The following GLI3 variants were observed in gnomAD, a reference collection of about 807,000 sequenced individuals.
GLI3 encodes transcription activator GLI3.
Under a neutral mutation model 100.8 loss-of-function variants are expected in GLI3, and 20 were observed. That is an observed-to-expected ratio of 0.20 (90% CI 0.14 to 0.29). The LOEUF (loss-of-function observed/expected upper bound fraction) is 0.29, where lower values mean the gene tolerates loss of function less well. Ranked by LOEUF, GLI3 falls within the 10% of genes least tolerant of loss-of-function variation. The pLI, the probability that GLI3 is intolerant of heterozygous loss-of-function variation, is 1.00. For synonymous variants in GLI3, 938 were observed against 860.5 expected (o/e 1.09, Z -1.58); for missense variants, 2,040 against 2,128.5 (o/e 0.96, Z 0.82).
rs76152864 is a variant in GLI3, at chr7:42,217,997, C to T, written c.124+5133G>A. Among the ~76,000 whole-genome samples the T allele has an allele frequency of 4.1e-4, 62 of 152,308 alleles. No homozygotes were observed. In the East Asian group the frequency reaches 4.4e-3, roughly 11 times the overall value. ...TCCGAAACTGATGAGGAAACTAGAA[C>T]GCTGAAAAGTTAATCTGCTCACACT... On this transcript the variant is annotated intron_variant, in intron 2 of 14. Transcript: ENST00000395925.
At chr7:42,240,192 T>C (rs947758407), upstream of GLI3, among the ~76,000 whole-genome samples, 17 of 152,364 alleles carry the variant, frequency 1.1e-4, 1 homozygote, top group South Asian at 3.5e-3. Flanking sequence ...AATTCTATCA[T>C]AGATTGACTT....
chr7:42,192,809 C>A (rs1336819268), intron 2 of GLI3, among the ~76,000 whole-genome samples: 1 of 152,200 alleles, frequency 6.6e-6, no homozygotes, highest in African/African-American at 2.4e-5. Flanking sequence ...CCTTAGAGCA[C>A]CACCTTGAAT....
intron 2 of GLI3, among the ~76,000 whole-genome samples, chr7:42,168,157 G>A (rs1386180126): frequency 6.6e-6 from 1 of 152,184 alleles, no homozygotes; most frequent in Non-Finnish European, 1.5e-5. Context: ...CTGGTCTTAA[G>A]CCAACAGTCA....
chr7:42,048,272 A>G (rs1014714090), intron 5 of GLI3, among the ~76,000 whole-genome samples: 1 of 152,258 alleles, frequency 6.6e-6, no homozygotes. Context: ...AGTAAACCCC[A>G]CTGCACGCTG....
At chr7:42,241,861 C>T (rs1015728587), upstream of GLI3, among the ~76,000 whole-genome samples, 3 of 152,194 alleles carry the variant, frequency 2.0e-5, no homozygotes, top group African/African-American at 7.2e-5. Flanking sequence ...CTTGCCTGCT[C>T]TTCTGGAAAC....
chr7:42,055,519 AG>A (rs1784442402), intron 4 of GLI3, among the ~76,000 whole-genome samples: 1 of 152,010 alleles, frequency 6.6e-6, no homozygotes, highest in African/African-American at 2.4e-5. Context: ...TGCTCCCCCA[AG>A]GCCACTGTTC....
At chr7:42,088,804 G>T (rs539642564) in intron 3 of GLI3, among the ~76,000 whole-genome samples, 1 of 152,348 alleles carries the variant, frequency 6.6e-6, no homozygotes, top group South Asian at 2.1e-4. Context: ...GGGAGGCAGT[G>T]GTCCTGAGGC....
chr7:42,119,126 G>A (rs906423976), intron 3 of GLI3, among the ~76,000 whole-genome samples: 2 of 152,140 alleles, frequency 1.3e-5, no homozygotes, highest in Non-Finnish European at 2.9e-5. Context: ...CACCAACAAG[G>A]GAAGCCGAGG....
chr7:42,257,355 T>A (rs1222408949), intron 1 of GLI3, among the ~76,000 whole-genome samples: 1 of 109,654 alleles, frequency 9.1e-6, no homozygotes, highest in Non-Finnish European at 1.7e-5. Context: ...TCATTCAGTC[T>A]TTTTTTTTTT....
intron 2 of GLI3, chr7:42,151,599 T>G (rs934632834): frequency 1.4e-4 from 22 of 152,224 alleles, no homozygotes; most frequent in African/African-American, 5.3e-4. Context: ...CAATGGACTT[T>G]AACAGCCAAA....
At chr7:42,045,280 G>T (rs1784222987) in intron 6 of GLI3, 104 bp downstream of exon 6, 1 of 1,133,118 alleles carries the variant, frequency 8.8e-7, no homozygotes, top group Admixed American at 1.7e-5. Context: ...TTCTCCTCCA[G>T]ATCAAAAAGT....
chr7:42,194,958 G>C (rs185904223), intron 2 of GLI3, among the ~76,000 whole-genome samples: 20 of 151,878 alleles, frequency 1.3e-4, no homozygotes, highest in Admixed American at 1.2e-3. Context: ...GTAGAGACAG[G>C]GTTTCACCAT....
At chr7:42,035,526 T>C (rs1456671568) in intron 7 of GLI3, among the ~76,000 whole-genome samples, 1 of 152,234 alleles carries the variant, frequency 6.6e-6, no homozygotes, top group Non-Finnish European at 1.5e-5. Flanking sequence ...TCATTTTCAC[T>C]GAGATCTCTT....
At chr7:41,978,101 T>C (rs1787558133) in intron 11 of GLI3, among the ~76,000 whole-genome samples, 1 of 152,218 alleles carries the variant, frequency 6.6e-6, no homozygotes, top group South Asian at 2.1e-4. Flanking sequence ...GTAAAGGGCC[T>C]TTAAGATGTA....
chr7:41,965,016 GT>G lies in GLI3; in HGVS notation c.4056del (p.His1353ThrfsTer66). The G allele has an allele frequency of 6.2e-7, 1 of 1,613,846 alleles. No homozygotes were observed. The highest frequency in any genetic ancestry group is 8.5e-7 in the Non-Finnish European group (1 of 1,179,964). ...TCTGGCCCTTGGTAGATGTTGATGT[GT>G]GAGGTAGCACTAATCTGCCCAAGCA... ...QQMLGQISATSHINIYQGPES... is the reference protein window; with the variant it reads ...QQMLGQISATXHINIYQGPES... On this transcript the variant is annotated frameshift_variant, in exon 15 of 15. Coordinates refer to ENST00000395925, the MANE Select transcript of GLI3 (RefSeq NM_000168.6). LOFTEE classifies it high-confidence loss of function.
intron 10 of GLI3, among the ~76,000 whole-genome samples, chr7:42,004,235 A>G (rs984144544): frequency 2.6e-5 from 4 of 152,204 alleles, no homozygotes; most frequent in African/African-American, 9.6e-5. Flanking sequence ...TATACAACCA[A>G]CACAATTATC....
At chr7:42,045,282 T>A (rs1432612162) in intron 6 of GLI3, 102 bp downstream of exon 6, 7 of 1,152,094 alleles carry the variant, frequency 6.1e-6, no homozygotes, top group Non-Finnish European at 9.2e-6. Flanking sequence ...CTCCTCCAGA[T>A]CAAAAAGTTA....
chr7:42,168,614 A>T (rs761015339), intron 2 of GLI3, among the ~76,000 whole-genome samples: 1 of 152,130 alleles, frequency 6.6e-6, no homozygotes, highest in Non-Finnish European at 1.5e-5. Context: ...AAGAAAACAA[A>T]TCTATAAAGT....
chr7:42,138,834 C>G (rs73325689), intron 3 of GLI3, among the ~76,000 whole-genome samples: 4,036 of 152,302 alleles, frequency 0.026, 133 homozygotes, highest in African/African-American at 0.08. Flanking sequence ...CAGTGGACGA[C>G]GTAAACACCC....
Sources: allele counts gnomAD v4.1 joint callset (sites outside exome capture counted in the v4.1 genomes callset), GRCh38; gene constraint gnomAD v4.1.1; transcripts MANE v1.5; gene names NCBI Gene and HGNC (gene_info 2026-07-23, HGNC 2026-07-21).